The following CCDC73 variants were observed in gnomAD, a reference collection of about 807,000 sequenced individuals.
CCDC73 encodes coiled-coil domain-containing protein 73.
CCDC73 carries 95 observed loss-of-function variants against 116.5 expected under a neutral mutation model. That is an observed-to-expected ratio of 0.82 (90% CI 0.69 to 0.97). The LOEUF is 0.97. Ranked by LOEUF, CCDC73 falls within the 50% of genes least tolerant of loss-of-function variation. The probability of loss-of-function intolerance (pLI) is 0.00; values close to 1 mark genes in which losing one functional copy is unlikely to be tolerated. For missense variants in CCDC73, 1,066 were observed against 1,206.8 expected, an observed-to-expected ratio of 0.88 and a Z score of 1.73; for synonymous variants, 398 against 401.3, an observed-to-expected ratio of 0.99 and a Z score of 0.10.
intron 1 of CCDC73, among the ~76,000 whole-genome samples, chr11:32,775,623 A>G (rs1187621797): frequency 6.6e-6 from 1 of 152,180 alleles, no homozygotes; most frequent in Non-Finnish European, 1.5e-5. Flanking sequence ...TTAAATAAAT[A>G]TTAGTTGAAT....
intron 14 of CCDC73, among the ~76,000 whole-genome samples, chr11:32,633,649 CT>C (rs1044250922): frequency 2.6e-5 from 4 of 152,174 alleles, no homozygotes; most frequent in Admixed American, 6.5e-5. Context: ...AGCTTAACTC[CT>C]ACAGCATTGA....
intron 3 of CCDC73, among the ~76,000 whole-genome samples, chr11:32,712,429 TA>T (rs1218399222): frequency 1.3e-5 from 2 of 152,024 alleles, no homozygotes; most frequent in African/African-American, 4.8e-5. Flanking sequence ...ATTCTCACTA[TA>T]AAAAAATAAG....
At chr11:32,824,214 C>T in the CCDC73 span, among the ~76,000 whole-genome samples, 1 of 151,988 alleles carries the variant, frequency 6.6e-6, no homozygotes, top group Non-Finnish European at 1.5e-5. Context: ...GTTTTTGTAT[C>T]TTTTGTCACA....
the CCDC73 span, among the ~76,000 whole-genome samples, chr11:32,818,694 G>A: frequency 1.1e-4 from 16 of 152,174 alleles, no homozygotes; most frequent in Admixed American, 7.2e-4. Context: ...ACAAAACGCC[G>A]TATATCCACA....
intron 14 of CCDC73, among the ~76,000 whole-genome samples, chr11:32,630,363 G>A (rs1366544208): frequency 6.6e-6 from 1 of 151,540 alleles, no homozygotes; most frequent in African/African-American, 2.4e-5. Context: ...AAGGGAGAGG[G>A]AGATGGAGTC....
chr11:32,761,699 T>C (rs1031786845), intron 1 of CCDC73, among the ~76,000 whole-genome samples: 2 of 152,096 alleles, frequency 1.3e-5, no homozygotes, highest in African/African-American at 2.4e-5. Flanking sequence ...TGTGTGTGTA[T>C]ATATGGGGGG....
the CCDC73 span, among the ~76,000 whole-genome samples, chr11:32,826,658 AAC>A: frequency 2.6e-4 from 35 of 132,272 alleles, no homozygotes; most frequent in East Asian, 6.0e-4. Context: ...AAAAAAAAAA[AAC>A]AAAAAAAAAA....
chr11:32,645,291 C>CTTTTTTTTTTTTTT (rs397689348), intron 12 of CCDC73, among the ~76,000 whole-genome samples: 11 of 121,080 alleles, frequency 9.1e-5, no homozygotes, highest in African/African-American at 1.8e-4. Flanking sequence ...TTTTCTTTTT[C>CTTTTTTTTTTTTTT]TTTTTTTTTT....
At chr11:32,611,037 G>C in intron 17 of CCDC73, 95 bp downstream of exon 17, 2 of 1,151,074 alleles carry the variant, frequency 1.7e-6, no homozygotes, top group Non-Finnish European at 2.4e-6. Context: ...TTGGAGATCA[G>C]TTAGGTCTTA....
chr11:32,635,754 T>C lies in CCDC73; in HGVS notation c.1127A>G (p.Gln376Arg). 1.5e-6 allele frequency: 2 copies of C among 1,294,202 alleles called. No individual in the cohort carries two copies. The highest frequency in any genetic ancestry group is 1.5e-5 in the African/African-American group (1 of 65,604). The allele number at this position is 1,294,202 out of a possible 1,614,324, so 80.2% of individuals were successfully genotyped here. A position where few individuals can be genotyped will look rare whatever the true frequency, so the allele number is the denominator to read the frequency against. ...SSLKETHIKL[Q>R]EHYNKLCNQK... ...ATTGCATAATTTGTTATAATGTTCT[T>C]GTAACTTAATATGAGTTTCTTTAAG... is the stretch of plus-strand genomic sequence containing the variant. Residue 376 changes from glutamine to arginine, a missense_variant, in exon 14 of 18, where the codon CAA (glutamine) becomes CGA (arginine). By Grantham distance (43) the Gln-to-Arg change is conservative. Transcript: ENST00000335185.
At chr11:32,676,371 G>A (rs769993068) in intron 7 of CCDC73, among the ~76,000 whole-genome samples, 12 of 152,228 alleles carry the variant, frequency 7.9e-5, no homozygotes, top group African/African-American at 2.4e-4. Context: ...GGTACTTTAC[G>A]AGGTATTTTT....
In CCDC73 at chr11:32,627,095, T is replaced by G. The variant is rs552462469; in HGVS notation, c.1185+8601A>C. Among the ~76,000 whole-genome samples, 19 of 152,146 alleles carry G rather than the reference T, an allele frequency of 1.2e-4. No homozygotes were observed. The South Asian group carries it at 3.5e-3, about 28-fold the overall frequency. The stretch of plus-strand genomic sequence containing the variant: ...TCTGACAAAGGGCTAATATCCAGAA[T>G]CTACAAAGAATACAAACAAATTTAC... On this transcript the variant is annotated intron_variant, in intron 14 of 17. Transcript: ENST00000335185.
Position 32,741,504 on chromosome 11 carries a change from G to C in CCDC73, c.135+18605C>G, listed in dbSNP as rs1028293907. The stretch of plus-strand genomic sequence containing the variant: ...GTCTGATATAAATATAGCTACTCCT[G>C]CTCTTTTTTGGTTTCCATTTGCATG... On this transcript the variant is annotated intron_variant, in intron 2 of 17. Transcript: ENST00000335185. 1.2e-4 allele frequency among the ~76,000 whole-genome samples: 18 copies of C among 151,848 alleles called. No individual in the cohort carries two copies. The South Asian group carries it at 3.8e-3, about 32-fold the overall frequency.
At chr11:32,667,770 G>T (rs1856000132) in intron 9 of CCDC73, among the ~76,000 whole-genome samples, 1 of 152,192 alleles carries the variant, frequency 6.6e-6, no homozygotes, top group African/African-American at 2.4e-5. Flanking sequence ...GGGAGCTGTA[G>T]ACTGGAGCTG....
At chr11:32,681,285 G>T (rs1347274852) in intron 7 of CCDC73, 2 of 151,866 alleles carry the variant, frequency 1.3e-5, no homozygotes, top group African/African-American at 4.8e-5. Flanking sequence ...ACCCAACATG[G>T]TCATCTATGT....
At chr11:32,683,125 G>T (rs7103252) in intron 7 of CCDC73, 34,773 of 215,570 alleles carry the variant, frequency 0.16, 3,105 homozygotes, top group South Asian at 0.25. Context: ...GGGACCAGAA[G>T]TGTTTCATAT....
At chr11:32,697,925 A>G (rs1004761335) in intron 6 of CCDC73, among the ~76,000 whole-genome samples, 2 of 151,292 alleles carry the variant, frequency 1.3e-5, no homozygotes, top group Non-Finnish European at 2.9e-5. Flanking sequence ...ACAGAACCCA[A>G]TAGGTCCTTT....
rs571598700 is a variant in CCDC73, at chr11:32,691,647, T to C, written c.390+7604A>G. On this transcript the variant is annotated intron_variant, in intron 6 of 17. Coordinates refer to ENST00000335185, the MANE Select transcript of CCDC73 (RefSeq NM_001008391.4). ...CTTTTGCAAATGTTTTCTCCTACTC[T>C]GTGGCTTGTCTTTTCATTCTCTTGA... 1.4e-4 allele frequency among the ~76,000 whole-genome samples: 22 copies of C among 152,302 alleles called. No individual in the cohort carries two copies. In the South Asian group the frequency reaches 4.6e-3, roughly 32 times the overall value.
At chr11:32,729,613 C>G (rs779325493) in intron 2 of CCDC73, among the ~76,000 whole-genome samples, 2 of 152,180 alleles carry the variant, frequency 1.3e-5, no homozygotes, top group Non-Finnish European at 2.9e-5. Context: ...CCATCTTCCA[C>G]GACGGTTGAA....
Sources: allele counts gnomAD v4.1 joint callset (sites outside exome capture counted in the v4.1 genomes callset), GRCh38; gene constraint gnomAD v4.1.1; transcripts MANE v1.5; gene names NCBI Gene and HGNC (gene_info 2026-07-23, HGNC 2026-07-21).